Variants in TAOK3 observed in about 807,000 individuals in gnomAD.
TAOK3 encodes the protein TAO kinase 3, also known as serine/threonine-protein kinase TAO3.
Under a neutral mutation model 120.4 loss-of-function variants are expected in TAOK3, and 40 were observed. The observed-to-expected ratio is 0.33, with a 90% CI of 0.26 to 0.43. The LOEUF (loss-of-function observed/expected upper bound fraction) is 0.43. Ranked by LOEUF, TAOK3 falls within the 20% of genes least tolerant of loss-of-function variation. The pLI is 1.00. For synonymous variants in TAOK3, 355 were observed against 387.5 expected (o/e 0.92, Z 0.99); for missense variants, 821 against 1,112.1 (o/e 0.74, Z 3.72).
At chr12:118,269,147 C>T (rs1382741123) in intron 1 of TAOK3, among the ~76,000 whole-genome samples, 1 of 151,390 alleles carries the variant, frequency 6.6e-6, no homozygotes, top group Non-Finnish European at 1.5e-5. Context: ...TCTCTTTCTT[C>T]TCTCTCTTTC....
intron 1 of TAOK3, among the ~76,000 whole-genome samples, chr12:118,339,586 G>A (rs1426055563): frequency 6.8e-6 from 1 of 146,598 alleles, no homozygotes; most frequent in African/African-American, 2.5e-5. Context: ...TTTTTTTCGA[G>A]ACGGGGTCTT....
chr12:118,220,335 C>T (rs1249819794), intron 9 of TAOK3, among the ~76,000 whole-genome samples: 1 of 152,090 alleles, frequency 6.6e-6, no homozygotes, highest in Non-Finnish European at 1.5e-5. Flanking sequence ...GCCCCTAATA[C>T]TTTTAAATAA....
At position 118,368,217 on chromosome 12, in the gene TAOK3, G is replaced by A. The variant is rs199567221; in HGVS notation, c.-194+4431C>T. Among the ~76,000 whole-genome samples, 10 of 152,224 alleles carry A rather than the reference G, an allele frequency of 6.6e-5. No homozygotes were observed. In the East Asian group the frequency reaches 1.8e-3, roughly 27 times the overall value. Reference sequence around the variant, plus strand: ...TTTGGTTATTATTATTATTTTTTGAGACGGAGTCTCGCTCTGTCGCCCAGG... The same window carrying A: ...TTTGGTTATTATTATTATTTTTTGAAACGGAGTCTCGCTCTGTCGCCCAGG... On this transcript the variant is annotated intron_variant, in intron 1 of 20. Transcript: ENST00000392533.
intron 1 of TAOK3, among the ~76,000 whole-genome samples, chr12:118,356,435 G>T (rs2045397690): frequency 6.6e-6 from 1 of 151,740 alleles, no homozygotes; most frequent in Non-Finnish European, 1.5e-5. Context: ...GAGTAACTGG[G>T]ATTACAGACT....
intron 11 of TAOK3, among the ~76,000 whole-genome samples, chr12:118,202,340 T>G (rs1353678386): frequency 2.0e-5 from 3 of 152,094 alleles, no homozygotes; most frequent in Non-Finnish European, 4.4e-5. Context: ...GGCACAGGTA[T>G]TTTTATGAGG....
intron 1 of TAOK3, among the ~76,000 whole-genome samples, chr12:118,287,065 G>A (rs2042292832): frequency 6.6e-6 from 1 of 152,126 alleles, no homozygotes; most frequent in Non-Finnish European, 1.5e-5. Context: ...GGGGACTCGG[G>A]GAAAGGACGG....
chr12:118,290,071 AGCT>A (rs1032614650), intron 1 of TAOK3, among the ~76,000 whole-genome samples: 4 of 152,194 alleles, frequency 2.6e-5, no homozygotes, highest in Admixed American at 2.6e-4. Context: ...TACTCTTTAA[AGCT>A]GTTAATGGAA....
At chr12:118,305,092 A>T (rs1260346216) in intron 1 of TAOK3, among the ~76,000 whole-genome samples, 1 of 152,226 alleles carries the variant, frequency 6.6e-6, no homozygotes, top group Non-Finnish European at 1.5e-5. Context: ...ATAATATAAT[A>T]AATATATCGA....
chr12:118,328,709 C>T (rs1296050589), intron 1 of TAOK3, among the ~76,000 whole-genome samples: 2 of 152,182 alleles, frequency 1.3e-5, no homozygotes. Context: ...GAAGTGGGAT[C>T]TCTTACTAAA....
intron 8 of TAOK3, among the ~76,000 whole-genome samples, chr12:118,234,192 G>GTAATTAAA (rs1331208527): frequency 8.5e-6 from 1 of 118,158 alleles, no homozygotes; most frequent in Non-Finnish European, 1.8e-5. Flanking sequence ...ATTGTTTAAA[G>GTAATTAAA]TAATTAAATA....
chr12:118,166,244 T>C (rs1398343413), intron 17 of TAOK3, among the ~76,000 whole-genome samples: 1 of 152,126 alleles, frequency 6.6e-6, no homozygotes, highest in Non-Finnish European at 1.5e-5. Flanking sequence ...ATTAGAAATG[T>C]TCCAATAAAT....
At chr12:118,344,520 C>T (rs1394406285) in intron 1 of TAOK3, among the ~76,000 whole-genome samples, 1 of 152,010 alleles carries the variant, frequency 6.6e-6, no homozygotes, top group Non-Finnish European at 1.5e-5. Context: ...GTGGTATCAA[C>T]AATACCACTT....
chr12:118,362,396 G>A (rs2045626373), intron 1 of TAOK3, among the ~76,000 whole-genome samples: 1 of 149,816 alleles, frequency 6.7e-6, no homozygotes, highest in African/African-American at 2.4e-5. Context: ...ACAAATTTGT[G>A]TTGTGCCCCA....
At chr12:118,168,115 T>C (rs900849725) in intron 17 of TAOK3, among the ~76,000 whole-genome samples, 4 of 152,182 alleles carry the variant, frequency 2.6e-5, no homozygotes, top group South Asian at 2.1e-4. Context: ...CCTAGAAATA[T>C]ACATGCCAAA....
intron 1 of TAOK3, among the ~76,000 whole-genome samples, chr12:118,314,050 C>T (rs1475842986): frequency 6.6e-6 from 1 of 152,168 alleles, no homozygotes; most frequent in Non-Finnish European, 1.5e-5. Flanking sequence ...AAAATGCAAA[C>T]CTTTTAACAG....
chr12:118,151,276 AGT>A (rs774543526), intron 20 of TAOK3, 118 bp from the exon 21 acceptor site: 1 of 819,334 alleles, frequency 1.2e-6, no homozygotes, highest in Non-Finnish European at 1.8e-6. Context: ...ACACACATGA[AGT>A]GCGCGCGCGC....
chr12:118,246,615 C>A lies in TAOK3; in HGVS notation c.121-1650G>T, dbSNP rs912656462. 1.9e-6 allele frequency: 3 copies of A among 1,575,784 alleles called. No homozygotes were observed. In the Admixed American group the frequency reaches 5.3e-5, roughly 28 times the overall value. On this transcript the variant is annotated intron_variant, in intron 3 of 20. Transcript: ENST00000392533. The stretch of plus-strand genomic sequence containing the variant: ...CTGGGGGAACAAGATCGGCAAGCCC[C>A]ACACTGTCCCTTGCAAGGTGACAGG...
At chr12:118,254,319 C>T (rs1386826143) in intron 3 of TAOK3, among the ~76,000 whole-genome samples, 1 of 152,120 alleles carries the variant, frequency 6.6e-6, no homozygotes, top group African/African-American at 2.4e-5. Flanking sequence ...TCCATCCATC[C>T]ATCCATCCAT....
chr12:118,219,918 T>C (rs535893005), intron 9 of TAOK3, among the ~76,000 whole-genome samples: 1 of 150,838 alleles, frequency 6.6e-6, no homozygotes, highest in Non-Finnish European at 1.5e-5. Context: ...CTGGCTTATT[T>C]GCATAATTAT....
Sources: allele counts gnomAD v4.1 joint callset (sites outside exome capture counted in the v4.1 genomes callset), GRCh38; gene constraint gnomAD v4.1.1; transcripts MANE v1.5; gene names NCBI Gene and HGNC (gene_info 2026-07-23, HGNC 2026-07-21).